The following KCNH1 variants were observed in gnomAD, a reference collection of about 807,000 sequenced individuals.
The protein encoded by KCNH1 is potassium voltage-gated channel subfamily H member 1.
Under a neutral mutation model 69.2 loss-of-function variants are expected in KCNH1, and 27 were observed. That is an observed-to-expected ratio of 0.39 (90% confidence interval 0.29 to 0.54). KCNH1 has a LOEUF of 0.54. Ranked by LOEUF, KCNH1 falls within the 20% of genes least tolerant of loss-of-function variation. The pLI is 0.68. For synonymous variants in KCNH1, 456 were observed against 487.7 expected (o/e 0.93, Z 0.86); for missense variants, 798 against 1,261.6 (o/e 0.63, Z 5.57).
At chr1:210,951,969 C>A (rs989210426) in intron 6 of KCNH1, among the ~76,000 whole-genome samples, 1 of 152,168 alleles carries the variant, frequency 6.6e-6, no homozygotes, top group Non-Finnish European at 1.5e-5. Flanking sequence ...TGTTATCTCT[C>A]TACCTTGTAG....
At chr1:211,045,041 GATATATAT>G (rs71134652) in intron 5 of KCNH1, among the ~76,000 whole-genome samples, 1 of 81,740 alleles carries the variant, frequency 1.2e-5, no homozygotes, top group South Asian at 5.0e-4. Context: ...AATTGTGGGG[GATATATAT>G]ATATATATAT....
Position 210,919,436 on chromosome 1 carries a change from C to A in KCNH1, c.1462+204G>T. 1.7e-6 allele frequency: 1 copy of A among 575,726 alleles called. No individual in the cohort carries two copies. Among genetic ancestry groups the A allele is most frequent in the Non-Finnish European group, 3.1e-6 (1 of 324,144 alleles). The allele number at this position is 575,726 out of a possible 1,614,324, so 35.7% of individuals were successfully genotyped here. ...AATTATGGATAGTCTTTACTTTCTACTTTGCACTCTTTTGTATTTTCTAAA... is the reference window on the plus strand; with the variant it reads ...AATTATGGATAGTCTTTACTTTCTAATTTGCACTCTTTTGTATTTTCTAAA... On this transcript the variant is annotated intron_variant, in intron 7 of 10. Transcript: ENST00000271751. This position sits in a 1 kb window ranked among gnomAD's most constrained non-coding sequence, Gnocchi z 4.2.
At chr1:210,815,924 T>C (rs1684805109) in intron 7 of KCNH1, among the ~76,000 whole-genome samples, 4 of 152,196 alleles carry the variant, frequency 2.6e-5, no homozygotes, top group Admixed American at 2.0e-4. Context: ...TTTTAAAGTG[T>C]CTGATTTCTG....
chr1:210,679,327 G>C lies in KCNH1; in HGVS notation c.*3954C>G, dbSNP rs1681210672. ...GTGATAAGGGAGGAGAGAGGAAGGG[G>C]CATTGGCAGCTCTATCACAGCTGGA... On this transcript the variant is annotated 3_prime_UTR_variant, in exon 11 of 11. Transcript: ENST00000271751. 1 of 152,198 alleles carries C rather than the reference G, an allele frequency of 6.6e-6. No homozygotes were observed. Among genetic ancestry groups the C allele is most frequent in the African/African-American group, 2.4e-5 (1 of 41,436 alleles). The allele number at this position is 152,198 out of a possible 1,614,324, so 9.4% of individuals were successfully genotyped here.
chr1:211,011,504 T>G (rs1689393279), intron 6 of KCNH1, among the ~76,000 whole-genome samples: 1 of 152,220 alleles, frequency 6.6e-6, no homozygotes, highest in Non-Finnish European at 1.5e-5. Context: ...GTAATGGGAT[T>G]GCTGGGTCAA....
intron 8 of KCNH1, among the ~76,000 whole-genome samples, chr1:210,803,280 T>C (rs941037178): frequency 2.0e-5 from 3 of 152,172 alleles, no homozygotes; most frequent in Non-Finnish European, 2.9e-5. Context: ...TTTTTGTATC[T>C]TTAGTAGAGA....
intron 10 of KCNH1, among the ~76,000 whole-genome samples, chr1:210,721,354 T>C (rs1361863999): frequency 6.6e-6 from 1 of 152,220 alleles, no homozygotes; most frequent in Non-Finnish European, 1.5e-5. Context: ...GTGAAAATTC[T>C]TCAGCGCAAG....
intron 10 of KCNH1, among the ~76,000 whole-genome samples, chr1:210,769,996 C>T (rs1574245415): frequency 6.6e-6 from 1 of 152,202 alleles, no homozygotes; most frequent in Non-Finnish European, 1.5e-5. Context: ...ATGTAAACTT[C>T]TCAATAAACC....
intron 6 of KCNH1, among the ~76,000 whole-genome samples, chr1:210,936,873 C>A (rs1440032450): frequency 6.6e-6 from 1 of 152,214 alleles, no homozygotes; most frequent in East Asian, 1.9e-4. Context: ...ATGAGTGCAA[C>A]TTTCCATTCC....
At chr1:211,067,372 C>A (rs566665766) in intron 5 of KCNH1, among the ~76,000 whole-genome samples, 216 of 152,296 alleles carry the variant, frequency 1.4e-3, no homozygotes, top group Non-Finnish European at 2.1e-3. Flanking sequence ...CCAGTGAGCA[C>A]CCACCCACGA....
At chr1:210,862,485 G>A (rs896698841) in intron 7 of KCNH1, among the ~76,000 whole-genome samples, 9 of 152,122 alleles carry the variant, frequency 5.9e-5, no homozygotes, top group Admixed American at 4.6e-4. Context: ...GCAGGCTCAC[G>A]CTACCATGCC....
chr1:210,723,853 C>T (rs1313684150), intron 10 of KCNH1, among the ~76,000 whole-genome samples: 1 of 152,204 alleles, frequency 6.6e-6, no homozygotes, highest in African/African-American at 2.4e-5. Context: ...TGATGGCAAA[C>T]ATGCTGTCCT....
intron 6 of KCNH1, among the ~76,000 whole-genome samples, chr1:210,924,693 A>G (rs916818230): frequency 1.5e-4 from 23 of 152,322 alleles, no homozygotes; most frequent in Non-Finnish European, 2.9e-4. Flanking sequence ...CACACTGTGG[A>G]ACCAGGGACT....
intron 1 of KCNH1, among the ~76,000 whole-genome samples, chr1:211,121,413 AAAAC>A (rs2102497697): frequency 6.6e-6 from 1 of 152,338 alleles, no homozygotes; most frequent in African/African-American, 2.4e-5. Flanking sequence ...AAACCTGAAA[AAAAC>A]AAGCAATGAG....
chr1:210,801,616 A>T (rs1684428825), intron 8 of KCNH1, among the ~76,000 whole-genome samples: 1 of 152,228 alleles, frequency 6.6e-6, no homozygotes, highest in Admixed American at 6.5e-5. Context: ...CCACCCAGCC[A>T]GCCCTACAGT....
At chr1:211,128,527 CT>C (rs1175912328) in intron 1 of KCNH1, among the ~76,000 whole-genome samples, 1 of 151,856 alleles carries the variant, frequency 6.6e-6, no homozygotes, top group African/African-American at 2.4e-5. Flanking sequence ...AGATGTCACC[CT>C]TTAGGAGGAG....
At chr1:210,812,206 C>T (rs754802856) in intron 7 of KCNH1, among the ~76,000 whole-genome samples, 1 of 152,122 alleles carries the variant, frequency 6.6e-6, no homozygotes, top group Non-Finnish European at 1.5e-5. Context: ...TCATTGATCA[C>T]CTTTTCTGGA....
chr1:211,092,971 T>C (rs1168852623), intron 3 of KCNH1, among the ~76,000 whole-genome samples: 1 of 152,106 alleles, frequency 6.6e-6, no homozygotes, highest in Non-Finnish European at 1.5e-5. Flanking sequence ...AGTCAGTTCT[T>C]GTCATCTGAT....
rs766885532 is a variant in KCNH1 at position 210,684,053 on chromosome 1, G to A, written c.2198C>T (p.Pro733Leu). 1.3e-5 allele frequency: 20 copies of A among 1,544,722 alleles called. No individual in the cohort carries two copies. Among genetic ancestry groups the A allele is most frequent in the East Asian group, 6.8e-5 (3 of 44,028 alleles). Residue 733 changes from proline to leucine, a missense_variant, in exon 11 of 11, where the codon CCG becomes CTG. Physicochemically the swap from Pro to Leu is moderately conservative, Grantham distance 98. Coordinates refer to ENST00000271751, the MANE Select transcript of KCNH1 (RefSeq NM_172362.3). ...GAAGAGGCGCCGGACAGGGTGGTCC[G>A]GGGGCAAGATCAGGGGGGCCTCATT... ...RKNEAPLILP[P>L]DHPVRRLFQR...
Sources: gnomAD v4.1 joint callset for allele counts (sites outside exome capture counted in the v4.1 genomes callset) on GRCh38, gnomAD v4.1.1 for gene constraint, Gnocchi (gnomAD v3.1) non-coding constraint, MANE v1.5 for transcripts, NCBI Gene and HGNC (gene_info 2026-07-23, HGNC 2026-07-21) for gene names.